The following PSD2 variants were observed in gnomAD, a reference collection of about 807,000 sequenced individuals.
PSD2 encodes pleckstrin and Sec7 domain containing 2.
In PSD2, 38 loss-of-function variants were observed where a neutral mutation model predicts 69.8. The observed-to-expected ratio is 0.54, with a 90% confidence interval of 0.42 to 0.71. PSD2 has a LOEUF of 0.71. Ranked by LOEUF, PSD2 falls within the 30% of genes least tolerant of loss-of-function variation. The pLI, the probability that PSD2 is intolerant of heterozygous loss-of-function variation, is 0.00. For missense variants in PSD2, 943 were observed against 1,014.5 expected, an observed-to-expected ratio of 0.93 and a Z score of 0.96; for synonymous variants, 412 against 423.0, an observed-to-expected ratio of 0.97 and a Z score of 0.32.
rs748938306 is a variant in PSD2, at chr5:139,834,163, T to G, written c.1359+372T>G. ...TCATTCCTTCAACATTACCAGGAAT[T>G]AAGAGAATCCAGTTTTCTTTTGAGG... On this transcript the variant is annotated intron_variant, in intron 8 of 14. Coordinates refer to ENST00000274710, the MANE Select transcript of PSD2 (RefSeq NM_032289.4). Among the ~76,000 whole-genome samples, 7 of 152,182 alleles carry G rather than the reference T, an allele frequency of 4.6e-5. No individual in the cohort carries two copies. The South Asian group carries it at 1.4e-3, about 32-fold the overall frequency.
the PSD2 span, among the ~76,000 whole-genome samples, chr5:139,785,180 T>C: frequency 6.7e-6 from 1 of 149,328 alleles, no homozygotes; most frequent in South Asian, 2.1e-4. Flanking sequence ...TTGTCTTCTC[T>C]TCTCCTCTCC....
upstream of PSD2, among the ~76,000 whole-genome samples, chr5:139,790,944 G>A (rs528212856): frequency 3.9e-5 from 6 of 152,206 alleles, no homozygotes; most frequent in South Asian, 1.0e-3. Context: ...CCAGCTACTC[G>A]GGAGACCGAA....
At chr5:139,774,311 A>G in the PSD2 span, among the ~76,000 whole-genome samples, 3 of 152,114 alleles carry the variant, frequency 2.0e-5, no homozygotes, top group African/African-American at 7.2e-5. Context: ...ATCTGGGATA[A>G]GGAGTGGAGG....
the PSD2 span, among the ~76,000 whole-genome samples, chr5:139,761,056 C>T: frequency 2.0e-5 from 3 of 152,048 alleles, no homozygotes; most frequent in Non-Finnish European, 4.4e-5. Context: ...CCCCAAGATG[C>T]CATAGTCTCA....
At chr5:139,754,488 T>C in the PSD2 span, among the ~76,000 whole-genome samples, 6 of 151,156 alleles carry the variant, frequency 4.0e-5, no homozygotes, top group East Asian at 9.8e-4. Flanking sequence ...AGCTCAGGAG[T>C]TCGAGCTCCA....
intron 1 of PSD2, among the ~76,000 whole-genome samples, chr5:139,798,099 A>G (rs1336634073): frequency 6.6e-6 from 1 of 152,184 alleles, no homozygotes; most frequent in Non-Finnish European, 1.5e-5. Context: ...TTTGAGCGGC[A>G]TCTTATGTCT....
At chr5:139,796,673 C>T (rs1460150544) in intron 1 of PSD2, among the ~76,000 whole-genome samples, 15 of 152,162 alleles carry the variant, frequency 9.9e-5, no homozygotes, top group African/African-American at 3.4e-4. Flanking sequence ...CGGGCCCCCT[C>T]GGAGGAGGAG....
chr5:139,755,893 G>A, the PSD2 span, among the ~76,000 whole-genome samples: 3 of 151,996 alleles, frequency 2.0e-5, no homozygotes, highest in South Asian at 2.1e-4. Flanking sequence ...TCAGTAATTA[G>A]GAAAAATATT....
Position 139,840,149 on chromosome 5 carries a change from G to A in PSD2, c.2091G>A (p.Lys697=). ...AGGAGGCCGAGGAGTACCGGTTGAA[G>A]GAGCACTATCTCACCTTCGAGGTGA... ...KSKEAEEYRL[K]EHYLTFEKSR... The change falls in exon 14 of 15, where the codon AAG becomes AAA. Residue 697 remains lysine, a synonymous_variant. Coordinates refer to ENST00000274710, the MANE Select transcript of PSD2 (RefSeq NM_032289.4). The A allele has an allele frequency of 1.2e-6, 2 of 1,614,168 alleles. No homozygotes were observed. Among genetic ancestry groups the A allele is most frequent in the Non-Finnish European group, 1.7e-6 (2 of 1,180,038 alleles).
chr5:139,757,360 G>T, the PSD2 span, among the ~76,000 whole-genome samples: 1 of 152,210 alleles, frequency 6.6e-6, no homozygotes, highest in African/African-American at 2.4e-5. Context: ...TGTGAAAGGG[G>T]GTTCACAAGC....
chr5:139,772,320 C>A, the PSD2 span, among the ~76,000 whole-genome samples: 1 of 152,182 alleles, frequency 6.6e-6, no homozygotes, highest in Non-Finnish European at 1.5e-5. Flanking sequence ...AATGACTATA[C>A]CTGCCCCAAG....
In PSD2 at chr5:139,840,083, C is replaced by T. The variant is rs529221905; in HGVS notation, c.2025C>T (p.Ala675=). 16 of 1,614,026 alleles carry T rather than the reference C, an allele frequency of 9.9e-6. No homozygotes were observed. The highest frequency in any genetic ancestry group is 1.7e-5 in the Admixed American group (1 of 60,002). The change falls in exon 14 of 15, where the codon GCC becomes GCT. Residue 675 remains alanine (A), a synonymous_variant. Transcript: ENST00000274710. ...TGAGGCAGCTGACTGCGGAGCTGGC[C>T]GAACACAGGTGTCACCCAGTCGAGA... The part of the protein sequence containing the change: ...NKLRQLTAEL[A]EHRCHPVERG...
rs542066334 is a variant in PSD2, at chr5:139,798,972, A to AT, written c.-51+3005dup. On this transcript the variant is annotated intron_variant, in intron 1 of 14. Coordinates refer to ENST00000274710, the MANE Select transcript of PSD2 (RefSeq NM_032289.4). ...TGGATGAATCCCTGGCTTTTTTGAG[A>AT]TTTTTTTTAATGACATTGTCAATTT... Among the ~76,000 whole-genome samples the AT allele has an allele frequency of 2.4e-4, 36 of 151,600 alleles. No individual in the cohort carries two copies. The South Asian group carries it at 4.6e-3, about 19-fold the overall frequency.
At chr5:139,789,714 G>A in the PSD2 span, among the ~76,000 whole-genome samples, 2 of 152,178 alleles carry the variant, frequency 1.3e-5, no homozygotes, top group African/African-American at 2.4e-5. Flanking sequence ...AATCTACAAG[G>A]GAGAGAGGAA....
At position 139,809,812 on chromosome 5, in the gene PSD2, G is replaced by A; in HGVS notation, c.371+1G>A. On this transcript the variant is annotated splice_donor_variant, in intron 2 of 14. Coordinates refer to ENST00000274710, the MANE Select transcript of PSD2 (RefSeq NM_032289.4). LOFTEE classifies it high-confidence loss of function. ...CAGATGCTGAGGACCCTCAGCTGGG[G>A]TGAGTGGATGTCTTGGGATGGGAGC... The A allele has an allele frequency of 6.2e-7, 1 of 1,613,814 alleles. No individual in the cohort carries two copies. The highest frequency in any genetic ancestry group is 8.5e-7 in the Non-Finnish European group (1 of 1,179,966).
At chr5:139,764,035 T>C in the PSD2 span, among the ~76,000 whole-genome samples, 2 of 152,206 alleles carry the variant, frequency 1.3e-5, no homozygotes, top group Non-Finnish European at 2.9e-5. Flanking sequence ...AGCTCTCCTG[T>C]GCCTCAGTTT....
chr5:139,781,877 G>A, the PSD2 span, among the ~76,000 whole-genome samples: 3 of 151,832 alleles, frequency 2.0e-5, no homozygotes, highest in East Asian at 1.9e-4. Flanking sequence ...CAGGTGATCC[G>A]CCCACCTCGG....
chr5:139,837,295 C>T lies in PSD2; in HGVS notation c.1665+57C>T, dbSNP rs1760753017. The stretch of plus-strand genomic sequence containing the variant: ...AAGGGCCAGCTCAGTCCCATCCCGC[C>T]CTGGCCTTGTGGCACCCCGAAGCCC... On this transcript the variant is annotated intron_variant, in intron 11 of 14. Transcript: ENST00000274710. This position sits in a 1 kb window ranked among gnomAD's most constrained non-coding sequence, Gnocchi z 5.0. 1 of 1,531,672 alleles carries T rather than the reference C, an allele frequency of 6.5e-7. No individual in the cohort carries two copies. Among genetic ancestry groups the T allele is most frequent in the Non-Finnish European group, 8.8e-7 (1 of 1,130,914 alleles). 94.9% of individuals were successfully genotyped at this position (1,531,672 alleles called of 1,614,324 possible).
In PSD2 at chr5:139,809,425, G is replaced by A. The variant is rs145604007; in HGVS notation, c.-16G>A. On this transcript the variant is annotated 5_prime_UTR_variant, in exon 2 of 15. Transcript: ENST00000274710. ...AGTCCCAGGAGCAGCCAGGACAGGC[G>A]GAAGCAGTGGCTGCCATGGAGGAGG... The A allele has an allele frequency of 1.2e-3, 1,878 of 1,607,480 alleles. 6 individuals are homozygous for A. The highest frequency in any genetic ancestry group is 0.012 in the African/African-American group (862 of 74,852).
Sources: gnomAD v4.1 joint callset for allele counts (sites outside exome capture counted in the v4.1 genomes callset) on GRCh38, gnomAD v4.1.1 for gene constraint, Gnocchi (gnomAD v3.1) non-coding constraint, MANE v1.5 for transcripts, NCBI Gene and HGNC (gene_info 2026-07-23, HGNC 2026-07-21) for gene names.